The following DYNC1I1 variants were observed in gnomAD, a reference collection of about 807,000 sequenced individuals.
DYNC1I1 encodes cytoplasmic dynein 1 intermediate chain 1.
Under a neutral mutation model 86.6 loss-of-function variants are expected in DYNC1I1, and 43 were observed. The observed-to-expected ratio is 0.50, with a 90% confidence interval of 0.39 to 0.64. The LOEUF is 0.64. Among genes scored for constraint, DYNC1I1 ranks in the 30% least tolerant of loss-of-function variants. The probability of loss-of-function intolerance (pLI) is 0.00; values close to 1 mark genes in which losing one functional copy is unlikely to be tolerated. For missense variants in DYNC1I1, 604 were observed against 788.8 expected (o/e 0.77, Z 2.81); for synonymous variants, 262 against 283.7 (o/e 0.92, Z 0.77).
chr7:96,027,392 AT>A (rs1794707211), intron 10 of DYNC1I1, among the ~76,000 whole-genome samples: 1 of 152,234 alleles, frequency 6.6e-6, no homozygotes, highest in Admixed American at 6.5e-5. Flanking sequence ...CTTTAAGTGC[AT>A]TATGGTTCTA....
intron 4 of DYNC1I1, among the ~76,000 whole-genome samples, chr7:95,826,535 C>T (rs181869635): frequency 1.9e-4 from 29 of 152,224 alleles, no homozygotes; most frequent in Middle Eastern, 3.4e-3. Context: ...CACATATGCG[C>T]GATACAGTTC....
At chr7:96,078,166 A>G (rs1443107290) in intron 15 of DYNC1I1, among the ~76,000 whole-genome samples, 1 of 152,158 alleles carries the variant, frequency 6.6e-6, no homozygotes, top group East Asian at 1.9e-4. Flanking sequence ...TTATTATTAC[A>G]TTTTTGGACC....
intron 8 of DYNC1I1, among the ~76,000 whole-genome samples, chr7:95,986,508 A>T (rs532375043): frequency 1.9e-4 from 29 of 152,260 alleles, no homozygotes; most frequent in African/African-American, 7.0e-4. Flanking sequence ...TATCTGGAAC[A>T]TATCTGGTGA....
intron 4 of DYNC1I1, among the ~76,000 whole-genome samples, chr7:95,822,006 T>C (rs915020707): frequency 1.3e-5 from 2 of 152,142 alleles, no homozygotes; most frequent in African/African-American, 4.8e-5. Context: ...GGTTTTCTGC[T>C]CTGAGGTCTA....
intron 5 of DYNC1I1, among the ~76,000 whole-genome samples, chr7:95,831,846 A>G (rs1375455689): frequency 6.6e-6 from 1 of 152,014 alleles, no homozygotes; most frequent in Non-Finnish European, 1.5e-5. Context: ...GGTAATTTGT[A>G]ATTTTGCTAT....
chr7:96,094,442 A>G (rs1175851308), intron 16 of DYNC1I1, among the ~76,000 whole-genome samples: 1 of 152,202 alleles, frequency 6.6e-6, no homozygotes, highest in Non-Finnish European at 1.5e-5. Context: ...ACGTGAGAAG[A>G]GCCAGGAACT....
chr7:96,062,542 G>A (rs889490000), intron 14 of DYNC1I1, among the ~76,000 whole-genome samples: 2 of 151,740 alleles, frequency 1.3e-5, no homozygotes, highest in Non-Finnish European at 2.9e-5. Context: ...TAAGTTAGTC[G>A]CTTCGGCAAT....
At chr7:95,957,088 C>G (rs1490106884) in intron 6 of DYNC1I1, among the ~76,000 whole-genome samples, 3 of 152,018 alleles carry the variant, frequency 2.0e-5, no homozygotes, top group Admixed American at 1.3e-4. Context: ...TTTCTTAGCT[C>G]TAAAAACATA....
rs1378425188 is a variant in DYNC1I1, at chr7:95,804,779, G to A, written c.50G>A (p.Arg17His). The A allele has an allele frequency of 4.4e-6, 7 of 1,594,888 alleles. No individual in the cohort carries two copies. The highest frequency in any genetic ancestry group is 5.1e-6 in the Non-Finnish European group (6 of 1,169,386). ...LKAELERKKQ[R>H]LAQIREEKKR... ...GCTGAGCTAGAGCGCAAAAAGCAGC[G>A]CTTAGCACAGATAAGAGAAGAGAAG... The change falls in exon 2 of 17, where the codon CGC (arginine) becomes CAC (histidine). Residue 17 changes from arginine (R) to histidine (H), a missense_variant. Physicochemically the swap from Arg to His is conservative, Grantham distance 29 (BLOSUM62 0). Transcript: ENST00000447467.
intron 6 of DYNC1I1, among the ~76,000 whole-genome samples, chr7:95,962,938 A>G (rs1427047830): frequency 1.3e-5 from 2 of 152,200 alleles, no homozygotes; most frequent in Non-Finnish European, 2.9e-5. Context: ...CTGCTTCTCA[A>G]CAGAGTTGAG....
rs1794728058 is a variant in DYNC1I1 at position 96,028,220 on chromosome 7, G to T, written c.1015G>T (p.Val339Leu). The T allele has an allele frequency of 1.2e-6, 2 of 1,613,828 alleles. No homozygotes were observed. Among genetic ancestry groups the T allele is most frequent in the Non-Finnish European group, 1.7e-6 (2 of 1,179,868 alleles). ...VCFARFHPNL[V>L]VGGTYSGQIV... The stretch of plus-strand genomic sequence containing the variant: ...CTTCGCCCGTTTCCATCCTAACTTG[G>T]TGGTTGGTGGGACTTACTCGGGCCA... Residue 339 changes from valine to leucine, a missense_variant, in exon 11 of 17, where the codon GTG becomes TTG. Transcript: ENST00000447467.
intron 14 of DYNC1I1, among the ~76,000 whole-genome samples, chr7:96,064,431 G>C (rs1451214624): frequency 1.3e-5 from 2 of 152,114 alleles, no homozygotes; most frequent in African/African-American, 4.8e-5. Context: ...CAACTCACTA[G>C]TGGCCTACCT....
intron 1 of DYNC1I1, among the ~76,000 whole-genome samples, chr7:95,798,150 T>C (rs1193425496): frequency 6.6e-6 from 1 of 152,198 alleles, no homozygotes; most frequent in Admixed American, 6.5e-5. Flanking sequence ...AACAGGGTAC[T>C]GAGATAAAAA....
intron 16 of DYNC1I1, among the ~76,000 whole-genome samples, chr7:96,105,507 T>C (rs551282609): frequency 2.0e-5 from 3 of 152,248 alleles, no homozygotes; most frequent in Admixed American, 1.3e-4. Context: ...AATAAAATCA[T>C]TTGGTCAACA....
intron 6 of DYNC1I1, among the ~76,000 whole-genome samples, chr7:95,882,966 T>G (rs530031490): frequency 6.6e-6 from 1 of 152,328 alleles, no homozygotes; most frequent in East Asian, 1.9e-4. Flanking sequence ...AAAAGTGTTC[T>G]GTGGTCTCCT....
At chr7:95,909,243 T>G (rs1004305189) in intron 6 of DYNC1I1, among the ~76,000 whole-genome samples, 351 of 40,280 alleles carry the variant, frequency 8.7e-3, no homozygotes, top group Admixed American at 0.014. Flanking sequence ...GGGAGGGGGG[T>G]GGGGGGGGGG....
intron 10 of DYNC1I1, among the ~76,000 whole-genome samples, chr7:96,003,422 A>G (rs1794064896): frequency 1.3e-5 from 2 of 152,312 alleles, no homozygotes. Context: ...GGGCTGACCA[A>G]TGTTTTCTAC....
downstream of DYNC1I1, among the ~76,000 whole-genome samples, chr7:96,103,083 C>T (rs973358872): frequency 2.0e-5 from 3 of 152,162 alleles, no homozygotes; most frequent in Admixed American, 2.0e-4. Flanking sequence ...CATTGTCACC[C>T]AACAGGATTT....
chr7:95,943,533 C>T (rs1431336169), intron 6 of DYNC1I1, among the ~76,000 whole-genome samples: 2 of 93,616 alleles, frequency 2.1e-5, no homozygotes, highest in African/African-American at 6.3e-5. Context: ...CTTTAAAGTT[C>T]ATATGGAACC....
Sources: gnomAD v4.1 joint callset for allele counts (sites outside exome capture counted in the v4.1 genomes callset) on GRCh38, gnomAD v4.1.1 for gene constraint, MANE v1.5 for transcripts, NCBI Gene and HGNC (gene_info 2026-07-23, HGNC 2026-07-21) for gene names.